The following CCDC33 variants were observed in gnomAD, a reference collection of about 807,000 sequenced individuals.
CCDC33 encodes the protein coiled-coil domain containing 33.
In CCDC33, 94 loss-of-function variants were observed where a neutral mutation model predicts 91.9. The ratio of observed to expected loss-of-function variants is 1.02; its 90% confidence interval spans 0.87 to 1.21. The LOEUF (loss-of-function observed/expected upper bound fraction) is 1.21. Among genes scored for constraint, CCDC33 ranks in the 50% most tolerant of loss-of-function variants. The pLI, the probability that CCDC33 is intolerant of heterozygous loss-of-function variation, is 0.00. For missense variants in CCDC33, 940 were observed against 935.5 expected (o/e 1.00, Z -0.06); for synonymous variants, 396 against 374.5 (o/e 1.06, Z -0.66).
chr15:74,266,830 A>C, intron 4 of CCDC33, 43 bp downstream of exon 4: 4 of 1,415,618 alleles, frequency 2.8e-6, no homozygotes, highest in Non-Finnish European at 4.0e-6. Context: ...GCAGGTGGGA[A>C]CCACCTTGAA....
At chr15:74,325,453 C>T (rs926646693) in intron 11 of CCDC33, among the ~76,000 whole-genome samples, 5 of 152,092 alleles carry the variant, frequency 3.3e-5, no homozygotes, top group Non-Finnish European at 7.4e-5. Context: ...GGAAGGCTTC[C>T]TAGACCTGGG....
At chr15:74,247,494 T>A (rs1421492966) in intron 2 of CCDC33, among the ~76,000 whole-genome samples, 2 of 151,900 alleles carry the variant, frequency 1.3e-5, no homozygotes, top group Non-Finnish European at 2.9e-5. Context: ...ATATACACAA[T>A]GTAATATTAT....
chr15:74,252,191 C>G (rs1239355465), intron 2 of CCDC33, among the ~76,000 whole-genome samples: 3 of 152,174 alleles, frequency 2.0e-5, no homozygotes, highest in African/African-American at 7.2e-5. Flanking sequence ...GTTGTTGAGA[C>G]AGGATGCTAA....
At chr15:74,325,432 C>T (rs2060290782) in intron 11 of CCDC33, among the ~76,000 whole-genome samples, 1 of 152,144 alleles carries the variant, frequency 6.6e-6, no homozygotes, top group Non-Finnish European at 1.5e-5. Context: ...CTCAGGCTAT[C>T]ACCACCTCCA....
intron 11 of CCDC33, chr15:74,300,733 AGAG>A (rs2059778883): frequency 6.6e-6 from 1 of 152,390 alleles, no homozygotes; most frequent in African/African-American, 2.4e-5. Flanking sequence ...AGAGTGGAGA[AGAG>A]GAGGTCTATG....
At chr15:74,212,138 G>C (rs1047253417) in intron 2 of CCDC33, 2 of 152,926 alleles carry the variant, frequency 1.3e-5, no homozygotes, top group African/African-American at 4.8e-5. Flanking sequence ...TGCTCTGTCT[G>C]TCCCCAGTGC....
intron 7 of CCDC33, among the ~76,000 whole-genome samples, chr15:74,277,052 T>A (rs2076468337): frequency 6.6e-6 from 1 of 152,198 alleles, no homozygotes; most frequent in South Asian, 2.1e-4. Context: ...CACAGGCATC[T>A]GGAATGGAGA....
At chr15:74,228,176 C>A (rs1486332428) in intron 2 of CCDC33, among the ~76,000 whole-genome samples, 2 of 152,132 alleles carry the variant, frequency 1.3e-5, no homozygotes, top group African/African-American at 4.8e-5. Context: ...GCAGCTGGAC[C>A]CACCTTGTGG....
intron 11 of CCDC33, among the ~76,000 whole-genome samples, chr15:74,319,084 G>A (rs2142801829): frequency 6.6e-6 from 1 of 152,324 alleles, no homozygotes; most frequent in African/African-American, 2.4e-5. Flanking sequence ...TGTGGCAGAT[G>A]GGGCATCCAG....
chr15:74,271,589 A>T, intron 5 of CCDC33, 114 bp from the exon 6 acceptor site: 1 of 702,808 alleles, frequency 1.4e-6, no homozygotes, highest in Non-Finnish European at 2.5e-6. Context: ...TCAAGTGTGG[A>T]GGCAGCCATG....
At chr15:74,298,633 G>T (rs769031912) in intron 11 of CCDC33, among the ~76,000 whole-genome samples, 5 of 151,870 alleles carry the variant, frequency 3.3e-5, no homozygotes, top group Admixed American at 6.6e-5. Context: ...TCCGCCTCCC[G>T]GGTTCAAGAG....
intron 1 of CCDC33, chr15:74,207,894 C>T: frequency 3.3e-6 from 5 of 1,493,706 alleles, no homozygotes; most frequent in South Asian, 2.6e-5. Context: ...AAGGCAGTGT[C>T]GTCGGCTGCC....
intron 2 of CCDC33, among the ~76,000 whole-genome samples, chr15:74,256,248 G>A (rs963613999): frequency 6.6e-6 from 1 of 152,180 alleles, no homozygotes; most frequent in African/African-American, 2.4e-5. Context: ...CTGTGTCTGA[G>A]CCAGGGAGTG....
At chr15:74,221,111 T>G in intron 2 of CCDC33, 3 of 763,872 alleles carry the variant, frequency 3.9e-6, no homozygotes, top group Non-Finnish European at 4.8e-6. Flanking sequence ...CAAGTTATCC[T>G]CAGTCCTGAC....
rs1294920321 is a variant in CCDC33 at position 74,291,724 on chromosome 15, A to G, written c.1096-4030A>G. 2.0e-5 allele frequency among the ~76,000 whole-genome samples: 3 copies of G among 152,190 alleles called. 1 individual carries two copies. Among genetic ancestry groups the G allele is most frequent in the African/African-American group, 4.8e-5 (2 of 41,454 alleles). On this transcript the variant is annotated intron_variant, in intron 10 of 18. Coordinates refer to ENST00000398814, the MANE Select transcript of CCDC33 (RefSeq NM_025055.5). ...GCAGGCTGGAACTGCTGCATTTTGC[A>G]TGATTGGGGATCTAGGGGATGGAAT...
intron 17 of CCDC33, among the ~76,000 whole-genome samples, chr15:74,334,388 G>C (rs561864781): frequency 2.4e-4 from 37 of 151,676 alleles, no homozygotes; most frequent in Non-Finnish European, 4.4e-4. Flanking sequence ...CCAGGGTCAG[G>C]GTTCAGTGTG....
At chr15:74,205,001 C>T (rs2074228197) in intron 1 of CCDC33, among the ~76,000 whole-genome samples, 1 of 152,166 alleles carries the variant, frequency 6.6e-6, no homozygotes, top group African/African-American at 2.4e-5. Context: ...ACTCTGCCTT[C>T]CCCAGGCTGG....
At chr15:74,257,886 G>T (rs893795181) in intron 2 of CCDC33, among the ~76,000 whole-genome samples, 1 of 152,240 alleles carries the variant, frequency 6.6e-6, no homozygotes, top group African/African-American at 2.4e-5. Flanking sequence ...GCTTCCAGGA[G>T]TGGAGGCAGG....
At chr15:74,298,288 GTGA>G (rs1167943171) in intron 11 of CCDC33, among the ~76,000 whole-genome samples, 2 of 152,154 alleles carry the variant, frequency 1.3e-5, no homozygotes, top group Non-Finnish European at 2.9e-5. Flanking sequence ...GGTGATGATG[GTGA>G]TGATGATGGT....
Sources: allele counts gnomAD v4.1 joint callset (sites outside exome capture counted in the v4.1 genomes callset), GRCh38; gene constraint gnomAD v4.1.1; transcripts MANE v1.5; gene names NCBI Gene and HGNC (gene_info 2026-07-23, HGNC 2026-07-21).